Variants in TTC17 observed in about 807,000 individuals in gnomAD.
TTC17 encodes the protein tetratricopeptide repeat protein 17.
Under a neutral mutation model 143.8 loss-of-function variants are expected in TTC17, and 58 were observed. The ratio of observed to expected loss-of-function variants is 0.40; its 90% confidence interval spans 0.33 to 0.50. The LOEUF is 0.50. Among genes scored for constraint, TTC17 ranks in the 20% least tolerant of loss-of-function variants. The pLI is 0.49. For missense variants in TTC17, 1,273 were observed against 1,392.5 expected (o/e 0.91, Z 1.37); for synonymous variants, 501 against 497.8 (o/e 1.01, Z -0.09).
intron 16 of TTC17, among the ~76,000 whole-genome samples, chr11:43,441,633 A>G (rs1947424402): frequency 6.6e-6 from 1 of 152,106 alleles, no homozygotes; most frequent in African/African-American, 2.4e-5. Flanking sequence ...TTCACCTGTG[A>G]GGAGAAAATA....
At chr11:43,456,748 T>A (rs1378541628) in intron 21 of TTC17, among the ~76,000 whole-genome samples, 1 of 152,106 alleles carries the variant, frequency 6.6e-6, no homozygotes, top group Non-Finnish European at 1.5e-5. Context: ...AAGCCATTAC[T>A]GAGGAAAAAG....
In TTC17 at chr11:43,443,309, G is replaced by A; in HGVS notation, c.2252-16G>A. 6.2e-7 allele frequency: 1 copy of A among 1,613,226 alleles called. No homozygotes were observed. Among genetic ancestry groups the A allele is most frequent in the South Asian group, 1.1e-5 (1 of 90,942 alleles). ...ACTGTGTACCTTTTACTAACGTGCT[G>A]GCCCTTGAATTTCAGGTACGGTGGT... On this transcript the variant is annotated splice_polypyrimidine_tract_variant and intron_variant, in intron 16 of 23. Coordinates refer to ENST00000039989, the MANE Select transcript of TTC17 (RefSeq NM_018259.6).
At chr11:43,459,075 T>C (rs949681216) in intron 21 of TTC17, among the ~76,000 whole-genome samples, 1 of 152,078 alleles carries the variant, frequency 6.6e-6, no homozygotes, top group African/African-American at 2.4e-5. Flanking sequence ...TGGAAGAGAC[T>C]CCTCAGATAC....
chr11:43,489,676 T>G (rs1948438928), intron 21 of TTC17: 1 of 148,892 alleles, frequency 6.7e-6, no homozygotes, highest in Admixed American at 6.7e-5. Context: ...AGATGAAGGT[T>G]GCAGTGAGCT....
intron 2 of TTC17, among the ~76,000 whole-genome samples, chr11:43,389,243 T>C (rs1590340668): frequency 6.6e-6 from 1 of 151,794 alleles, no homozygotes; most frequent in African/African-American, 2.4e-5. Context: ...TTTGAAAAAA[T>C]AGATATTTTA....
chr11:43,431,574 A>G (rs761292542), intron 16 of TTC17, among the ~76,000 whole-genome samples: 2 of 152,246 alleles, frequency 1.3e-5, no homozygotes, highest in African/African-American at 2.4e-5. Flanking sequence ...AAAAGATTAC[A>G]TTGGGATAAC....
At chr11:43,368,641 T>G (rs1429743552) in intron 1 of TTC17, among the ~76,000 whole-genome samples, 4 of 152,172 alleles carry the variant, frequency 2.6e-5, no homozygotes, top group African/African-American at 7.2e-5. Context: ...TCTACTTTTG[T>G]CCCCTAGATC....
chr11:43,457,290 A>C (rs1268905879), intron 21 of TTC17, among the ~76,000 whole-genome samples: 1 of 152,116 alleles, frequency 6.6e-6, no homozygotes, highest in African/African-American at 2.4e-5. Context: ...ACTTAACATT[A>C]TCAGGCAGGA....
At chr11:43,462,507 A>G (rs868216208) in intron 21 of TTC17, among the ~76,000 whole-genome samples, 1 of 152,326 alleles carries the variant, frequency 6.6e-6, no homozygotes, top group South Asian at 2.1e-4. Context: ...GAGGGAAGTA[A>G]CAGATTCTCT....
intron 20 of TTC17, 48 bp downstream of exon 20, chr11:43,450,289 A>C (rs367988394): frequency 3.2e-6 from 5 of 1,578,444 alleles, no homozygotes; most frequent in Non-Finnish European, 4.3e-6. Flanking sequence ...CACAGTTAGG[A>C]TGCACATTGA....
intron 21 of TTC17, among the ~76,000 whole-genome samples, chr11:43,452,472 G>T (rs968224682): frequency 5.3e-5 from 8 of 152,178 alleles, no homozygotes. Flanking sequence ...CTGCACTCCA[G>T]CCTGGGTGAC....
At chr11:43,451,867 A>C (rs903110935) in intron 21 of TTC17, among the ~76,000 whole-genome samples, 1 of 152,182 alleles carries the variant, frequency 6.6e-6, no homozygotes, top group Non-Finnish European at 1.5e-5. Context: ...TAGTCATTTA[A>C]ACAATCAACC....
At chr11:43,493,711 T>C in intron 23 of TTC17, 62 bp from the exon 24 acceptor site, 1 of 1,611,256 alleles carries the variant, frequency 6.2e-7, no homozygotes, top group Non-Finnish European at 8.5e-7. Flanking sequence ...AAAAAAGAGG[T>C]CACAGTATAT....
chr11:43,485,883 G>GTTTTTTTTTTTTTTTTTT (rs751026290), intron 21 of TTC17, among the ~76,000 whole-genome samples: 1 of 112,616 alleles, frequency 8.9e-6, no homozygotes. Context: ...TTGGTTTTTT[G>GTTTTTTTTTTTTTTTTTT]TTTTTTTTTT....
chr11:43,445,166 G>T (rs945470154), intron 18 of TTC17, among the ~76,000 whole-genome samples: 2 of 152,120 alleles, frequency 1.3e-5, no homozygotes, highest in African/African-American at 4.8e-5. Flanking sequence ...AGTAGTAAAT[G>T]TAGAGAATAC....
intron 18 of TTC17, among the ~76,000 whole-genome samples, chr11:43,444,999 G>A (rs1042866488): frequency 7.9e-5 from 12 of 152,144 alleles, no homozygotes; most frequent in African/African-American, 2.9e-4. Context: ...TGCCATAGAT[G>A]TAAGTAGAAA....
intron 16 of TTC17, chr11:43,436,284 T>C: frequency 2.9e-6 from 4 of 1,363,398 alleles, no homozygotes; most frequent in Non-Finnish European, 3.8e-6. Context: ...GAGGACCCTG[T>C]ATTCTCTGTT....
At chr11:43,424,021 C>G (rs1430354148) in intron 16 of TTC17, among the ~76,000 whole-genome samples, 1 of 151,720 alleles carries the variant, frequency 6.6e-6, no homozygotes, top group African/African-American at 2.4e-5. Context: ...TCATTTTATC[C>G]TGTTACTTAG....
At chr11:43,467,330 A>T (rs547791336) in intron 21 of TTC17, among the ~76,000 whole-genome samples, 1 of 152,250 alleles carries the variant, frequency 6.6e-6, no homozygotes, top group African/African-American at 2.4e-5. Context: ...CACTATGAAT[A>T]CAGCCTTAAA....
Sources: allele counts gnomAD v4.1 joint callset (sites outside exome capture counted in the v4.1 genomes callset), GRCh38; gene constraint gnomAD v4.1.1; transcripts MANE v1.5; gene names NCBI Gene and HGNC (gene_info 2026-07-23, HGNC 2026-07-21).